PTGFRN: variants seen among roughly 807,000 people sequenced by gnomAD.
PTGFRN encodes prostaglandin F2 receptor negative regulator.
In PTGFRN, 35 loss-of-function variants were observed where a neutral mutation model predicts 83.2. The observed-to-expected ratio is 0.42, with a 90% CI of 0.32 to 0.56. The LOEUF is 0.56. Among genes scored for constraint, PTGFRN ranks in the 20% least tolerant of loss-of-function variants. PTGFRN has a pLI of 0.11. For missense variants in PTGFRN, 1,051 were observed against 1,179.5 expected, an observed-to-expected ratio of 0.89 and a Z score of 1.60; for synonymous variants, 519 against 498.6, an observed-to-expected ratio of 1.04 and a Z score of -0.55.
At chr1:116,930,478 A>G (rs1459629019) in intron 1 of PTGFRN, among the ~76,000 whole-genome samples, 1 of 152,182 alleles carries the variant, frequency 6.6e-6, no homozygotes, top group Admixed American at 6.5e-5. Flanking sequence ...GTGACTCCAC[A>G]TTGATGTTAG....
At chr1:116,936,042 A>G (rs1649914505) in intron 1 of PTGFRN, among the ~76,000 whole-genome samples, 1 of 152,190 alleles carries the variant, frequency 6.6e-6, no homozygotes, top group Non-Finnish European at 1.5e-5. Flanking sequence ...TGGGACCTTC[A>G]GTTTGAAACA....
At chr1:116,963,501 C>G (rs866657197) in intron 5 of PTGFRN, among the ~76,000 whole-genome samples, 2 of 152,244 alleles carry the variant, frequency 1.3e-5, no homozygotes, top group Middle Eastern at 3.2e-3. Context: ...AATTCTCTCC[C>G]TTCTGGACCT....
chr1:116,940,531 T>C (rs1357264148), intron 1 of PTGFRN, among the ~76,000 whole-genome samples: 1 of 152,218 alleles, frequency 6.6e-6, no homozygotes, highest in East Asian at 1.9e-4. Context: ...TACTGGGGGC[T>C]AGAACTTCCA....
chr1:116,975,119 G>A (rs185212327), intron 7 of PTGFRN, among the ~76,000 whole-genome samples: 2 of 152,158 alleles, frequency 1.3e-5, no homozygotes, highest in Non-Finnish European at 2.9e-5. Flanking sequence ...ACAGAGCCTC[G>A]CTCATTGCTA....
At chr1:116,943,301 C>G (rs532046996) in intron 2 of PTGFRN, among the ~76,000 whole-genome samples, 1 of 152,222 alleles carries the variant, frequency 6.6e-6, no homozygotes, top group African/African-American at 2.4e-5. Context: ...GAAAAAGACA[C>G]TCTTGTATTG....
rs1401348531 is a variant in PTGFRN, at chr1:116,949,487, C to T, written c.1128C>T (p.Ser376=). ...CTGGCTACTATTACTGCCACGTGTC[C>T]CTGTGGGCACCCGGACACAACAGGA... is the stretch of plus-strand genomic sequence containing the variant. ...ENSGYYYCHV[S]LWAPGHNRSW... is the part of the protein sequence containing the mutation. Residue 376 remains serine (S), a synonymous_variant, in exon 4 of 9, where the codon TCC becomes TCT. Coordinates refer to ENST00000393203, the MANE Select transcript of PTGFRN (RefSeq NM_020440.4). 9 of 1,614,216 alleles carry T rather than the reference C, an allele frequency of 5.6e-6. No individual in the cohort carries two copies. Among genetic ancestry groups the T allele is most frequent in the Non-Finnish European group, 6.8e-6 (8 of 1,180,048 alleles).
chr1:116,934,865 A>G (rs1476062925), intron 1 of PTGFRN, among the ~76,000 whole-genome samples: 1 of 152,178 alleles, frequency 6.6e-6, no homozygotes, highest in African/African-American at 2.4e-5. Context: ...AGGAATTGAG[A>G]TGCTTTGAGA....
intron 7 of PTGFRN, among the ~76,000 whole-genome samples, chr1:116,982,923 G>A (rs1651359945): frequency 6.6e-6 from 1 of 152,132 alleles, no homozygotes; most frequent in Admixed American, 6.5e-5. Flanking sequence ...GTGGCCAGAG[G>A]CCCAGCCCAC....
At chr1:116,928,755 A>G (rs1230223838) in intron 1 of PTGFRN, among the ~76,000 whole-genome samples, 3 of 152,164 alleles carry the variant, frequency 2.0e-5, no homozygotes, top group African/African-American at 7.2e-5. Flanking sequence ...TACTGAGACA[A>G]TAGAGACCAA....
chr1:116,942,924 A>T (rs1161502970), intron 2 of PTGFRN, among the ~76,000 whole-genome samples: 1 of 152,254 alleles, frequency 6.6e-6, no homozygotes, highest in Non-Finnish European at 1.5e-5. Flanking sequence ...CTTTCCTAAA[A>T]TCACACAGCT....
intron 1 of PTGFRN, among the ~76,000 whole-genome samples, chr1:116,937,694 G>C (rs59449379): frequency 6.6e-6 from 1 of 152,076 alleles, no homozygotes; most frequent in African/African-American, 2.4e-5. Flanking sequence ...TTGTGGGTAG[G>C]TTGTCCACCC....
intron 7 of PTGFRN, among the ~76,000 whole-genome samples, chr1:116,975,670 T>A (rs1009557900): frequency 1.3e-5 from 2 of 152,140 alleles, no homozygotes; most frequent in Admixed American, 6.5e-5. Context: ...GTCCTGACTG[T>A]TAGAAGGAAA....
intron 1 of PTGFRN, among the ~76,000 whole-genome samples, chr1:116,926,289 C>T (rs926386928): frequency 6.6e-6 from 1 of 152,154 alleles, no homozygotes; most frequent in Non-Finnish European, 1.5e-5. Flanking sequence ...AAAAAGAGGA[C>T]CAGGTGTTCA....
chr1:116,938,540 C>A (rs960243651), intron 1 of PTGFRN, among the ~76,000 whole-genome samples: 1 of 152,074 alleles, frequency 6.6e-6, no homozygotes, highest in Non-Finnish European at 1.5e-5. Flanking sequence ...ACGGGAAAGA[C>A]CTGCCCCCAT....
At position 116,986,868 on chromosome 1, in the gene PTGFRN, C is replaced by T; in HGVS notation, c.2541C>T (p.Ser847=). 1.9e-6 allele frequency: 3 copies of T among 1,614,208 alleles called. No homozygotes were observed. The South Asian group carries it at 3.3e-5, about 18-fold the overall frequency. The change falls in exon 9 of 9, where the codon TCC becomes TCT. Residue 847 remains serine, a synonymous_variant. Coordinates refer to ENST00000393203, the MANE Select transcript of PTGFRN (RefSeq NM_020440.4). ...TGTCCACGGTCATCGGGCTCCTGTC[C>T]TGTCTCATCGGGTACTGCAGCTCCC... The part of the protein sequence containing the change: ...VGLSTVIGLL[S]CLIGYCSSHW...
In PTGFRN at chr1:116,944,801, C is replaced by CT; in HGVS notation, c.542dup (p.Ala182GlyfsTer110). On this transcript the variant is annotated frameshift_variant, in exon 3 of 9. Transcript: ENST00000393203. LOFTEE classifies it high-confidence loss of function. ...CTCCGCCTCGCCGCTGCACACGCAC[C>CT]TGGCGCTGCTGTGGGAGGTGCACCG... is the stretch of plus-strand genomic sequence containing the variant. 6.4e-7 allele frequency: 1 copy of CT among 1,568,516 alleles called. No homozygotes were observed. The highest frequency in any genetic ancestry group is 8.6e-7 in the Non-Finnish European group (1 of 1,161,040).
chr1:116,952,882 T>C lies in PTGFRN; in HGVS notation c.1213+3310T>C, dbSNP rs1329717878. Reference sequence around the variant, plus strand: ...ACATAAATCTTAAGTGTGTGAAGGGTTTCTGTAAGAAGCTCAATTACTATG... The same window carrying C: ...ACATAAATCTTAAGTGTGTGAAGGGCTTCTGTAAGAAGCTCAATTACTATG... On this transcript the variant is annotated intron_variant, in intron 4 of 8. Coordinates refer to ENST00000393203, the MANE Select transcript of PTGFRN (RefSeq NM_020440.4). This position sits in a 1 kb window ranked among gnomAD's most constrained non-coding sequence, Gnocchi z 4.0. Among the ~76,000 whole-genome samples, 1 of 152,206 alleles carries C rather than the reference T, an allele frequency of 6.6e-6. No individual in the cohort carries two copies. Among genetic ancestry groups the C allele is most frequent in the East Asian group, 1.9e-4 (1 of 5,206 alleles).
At chr1:116,930,993 C>T (rs1190623939) in intron 1 of PTGFRN, among the ~76,000 whole-genome samples, 1 of 152,228 alleles carries the variant, frequency 6.6e-6, no homozygotes, top group African/African-American at 2.4e-5. Flanking sequence ...GAAATGTCCT[C>T]ATTCTCTTTT....
chr1:116,954,608 T>C (rs529563947), intron 4 of PTGFRN, among the ~76,000 whole-genome samples: 1 of 152,316 alleles, frequency 6.6e-6, no homozygotes, highest in South Asian at 2.1e-4. Flanking sequence ...GCTTCAGCTG[T>C]TGTCATCACT....
Sources: gnomAD v4.1 joint callset for allele counts (sites outside exome capture counted in the v4.1 genomes callset) on GRCh38, gnomAD v4.1.1 for gene constraint, Gnocchi (gnomAD v3.1) non-coding constraint, MANE v1.5 for transcripts, NCBI Gene and HGNC (gene_info 2026-07-23, HGNC 2026-07-21) for gene names.